Variants in IKBKE observed in about 807,000 individuals in gnomAD.
IKBKE encodes inhibitor of nuclear factor kappa-B kinase subunit epsilon.
IKBKE carries 45 observed loss-of-function variants against 92.1 expected under a neutral mutation model. The ratio of observed to expected loss-of-function variants is 0.49; its 90% CI spans 0.38 to 0.63. The LOEUF is 0.63. Ranked by LOEUF, IKBKE falls within the 20% of genes least tolerant of loss-of-function variation. The pLI is 0.00. For missense variants in IKBKE, 700 were observed against 932.8 expected (o/e 0.75, Z 3.25); for synonymous variants, 374 against 380.3 (o/e 0.98, Z 0.19).
At chr1:206,480,716 GCTCCCCCAAAACCCAGTCC>G (rs1553386876) in intron 13 of IKBKE, among the ~76,000 whole-genome samples, 183 bp downstream of exon 13, 1 of 152,062 alleles carries the variant, frequency 6.6e-6, no homozygotes, top group Non-Finnish European at 1.5e-5. Flanking sequence ...AACTGCAATG[GCTCCCCCAAAACCCAGTCC>G]CTCACCTGCA....
In IKBKE at chr1:206,478,885, C is replaced by G; in HGVS notation, c.993-58C>G. ...TAGCTGGGGCTTAGGTCACCCTAGC[C>G]CCCTGCCTTGCCTACTGACACCCCC... On this transcript the variant is annotated intron_variant, in intron 9 of 21. Coordinates refer to ENST00000581977, the MANE Select transcript of IKBKE (RefSeq NM_014002.4). This position sits in a 1 kb window ranked among gnomAD's most constrained non-coding sequence, Gnocchi z 4.8. 1 of 1,334,476 alleles carries G rather than the reference C, an allele frequency of 7.5e-7. No individual in the cohort carries two copies. Among genetic ancestry groups the G allele is most frequent in the Middle Eastern group, 2.0e-4 (1 of 4,954 alleles). 82.7% of individuals were successfully genotyped at this position (1,334,476 alleles called of 1,614,324 possible). A position where few individuals can be genotyped will look rare whatever the true frequency, so the allele number is the denominator to read the frequency against.
rs41296032 is a variant in IKBKE, at chr1:206,476,588, T to A, written c.541-90T>A. ...AAGAAGGATTTGAACAGTTCTGTTT[T>A]CACCTGCAGGCGGTGAAAGGGGGTC... On this transcript the variant is annotated intron_variant, in intron 6 of 21. Transcript: ENST00000581977. This position sits in a 1 kb window ranked among gnomAD's most constrained non-coding sequence, Gnocchi z 5.1. 12 of 1,478,144 alleles carry A rather than the reference T, an allele frequency of 8.1e-6. No individual in the cohort carries two copies. The highest frequency in any genetic ancestry group is 1.8e-4 in the Middle Eastern group (1 of 5,562). The allele number at this position is 1,478,144 out of a possible 1,614,324, so 91.6% of individuals were successfully genotyped here. A position where few individuals can be genotyped will look rare whatever the true frequency, so the allele number is the denominator to read the frequency against.
intron 13 of IKBKE, among the ~76,000 whole-genome samples, chr1:206,483,407 C>T (rs1665499880): frequency 6.6e-6 from 1 of 152,222 alleles, no homozygotes; most frequent in Non-Finnish European, 1.5e-5. Context: ...CATTTGTGCA[C>T]TCAGTAACGC....
chr1:206,476,956 C>A lies in IKBKE; in HGVS notation c.701+118C>A. ...ACTCCATGGCCCTCCTCTGGTCCACCCCCCAACCCAGGCTCTTTGTAGATC... is the reference window on the plus strand; with the variant it reads ...ACTCCATGGCCCTCCTCTGGTCCACACCCCAACCCAGGCTCTTTGTAGATC... On this transcript the variant is annotated intron_variant, in intron 7 of 21. Coordinates refer to ENST00000581977, the MANE Select transcript of IKBKE (RefSeq NM_014002.4). This position sits in a 1 kb window ranked among gnomAD's most constrained non-coding sequence, Gnocchi z 5.1. 2 of 1,084,298 alleles carry A rather than the reference C, an allele frequency of 1.8e-6. No homozygotes were observed. Among genetic ancestry groups the A allele is most frequent in the Non-Finnish European group, 1.3e-6 (1 of 750,696 alleles). 67.2% of individuals were successfully genotyped at this position (1,084,298 alleles called of 1,614,324 possible).
chr1:206,484,912 C>A, intron 13 of IKBKE, 85 bp from the exon 14 acceptor site: 2 of 1,082,966 alleles, frequency 1.8e-6, no homozygotes, highest in South Asian at 1.3e-5. Flanking sequence ...ATGCTATGCC[C>A]AGCATGTGCC....
Position 206,476,350 on chromosome 1 carries a change from T to C in IKBKE, c.528T>C (p.Thr176=), listed in dbSNP as rs1371876455. The change falls in exon 6 of 22, where the codon ACT becomes ACC. Residue 176 remains threonine (T), a synonymous_variant. Coordinates refer to ENST00000581977, the MANE Select transcript of IKBKE (RefSeq NM_014002.4). The surrounding 1 kb of genome is among the most constrained non-coding windows in gnomAD (Gnocchi z 5.1). ...DDEKFVSVYG[T]EEYLHPDMYE... ...AGAAGTTCGTCTCGGTCTATGGGAC[T>C]GAGGAGTACCTGGTGGGTGAGCTGC... 1 of 1,610,238 alleles carries C rather than the reference T, an allele frequency of 6.2e-7. No homozygotes were observed. Among genetic ancestry groups the C allele is most frequent in the Non-Finnish European group, 8.5e-7 (1 of 1,177,258 alleles).
At position 206,487,828 on chromosome 1, in the gene IKBKE, A is replaced by G. The variant is rs1553389169; in HGVS notation, c.1617-86A>G. ...ACTGTGGCTGTGAGGCTCCTCCCCTATTCCACTGCCACCCTTCCCCTCCCT... is the reference window on the plus strand; with the variant it reads ...ACTGTGGCTGTGAGGCTCCTCCCCTGTTCCACTGCCACCCTTCCCCTCCCT... On this transcript the variant is annotated intron_variant, in intron 15 of 21. Transcript: ENST00000581977. The surrounding 1 kb of genome is among the most constrained non-coding windows in gnomAD (Gnocchi z 5.3). 9.4e-7 allele frequency: 1 copy of G among 1,069,074 alleles called. No homozygotes were observed. Among genetic ancestry groups the G allele is most frequent in the African/African-American group, 1.6e-5 (1 of 64,256 alleles). The allele number at this position is 1,069,074 out of a possible 1,614,324, so 66.2% of individuals were successfully genotyped here.
In IKBKE at chr1:206,480,065, C is replaced by A. The variant is rs782574270; in HGVS notation, c.1292C>A (p.Ala431Asp). 1 of 1,602,450 alleles carries A rather than the reference C, an allele frequency of 6.2e-7. No individual in the cohort carries two copies. Among genetic ancestry groups the A allele is most frequent in the South Asian group, 1.1e-5 (1 of 89,706 alleles). The stretch of plus-strand genomic sequence containing the variant: ...TACCAGGCCCTGCGGCTGGCACGGG[C>A]CCTGCTGGATGGGCAGGAGCTAATG... ...AGYQALRLAR[A>D]LLDGQELMFR... Residue 431 changes from alanine (A) to aspartate (D), a missense_variant, in exon 12 of 22, where the codon GCC becomes GAC. Ala to Asp is a moderately radical substitution (Grantham distance 126). Transcript: ENST00000581977.
Position 206,480,239 on chromosome 1 carries a change from A to AGGGGGTGGGCAGGAGAG in IKBKE, c.1340+129_1340+145dup, listed in dbSNP as rs1478201579. On this transcript the variant is annotated intron_variant, in intron 12 of 21. Transcript: ENST00000581977. ...GCAGGAAGTGGAGGTGAGCAGGAGG[A>AGGGGGTGGGCAGGAGAG]GGGGGTGGGCAGGAGAGGGAGGTGG... The AGGGGGTGGGCAGGAGAG allele has an allele frequency of 6.0e-5, 14 of 234,360 alleles. No individual in the cohort carries two copies. The East Asian group carries it at 6.6e-4, about 11-fold the overall frequency. The allele number at this position is 234,360 out of a possible 1,614,324, so 14.5% of individuals were successfully genotyped here.
chr1:206,479,301 A>C (rs1375012564), intron 10 of IKBKE, among the ~76,000 whole-genome samples, 168 bp downstream of exon 10: 1 of 152,212 alleles, frequency 6.6e-6, no homozygotes, highest in African/African-American at 2.4e-5. Context: ...CTGAGATGCC[A>C]CATGACGTGG....
chr1:206,476,239 G>A lies in IKBKE; in HGVS notation c.417G>A (p.Gly139=), dbSNP rs782787756. ...NGIVHRDIKP[G]NIMRLVGEEG... ...TTGTGCATCGCGACATCAAGCCGGGGAACATCATGCGCCTCGTAGGGGAGG... is the reference window on the plus strand; with the variant it reads ...TTGTGCATCGCGACATCAAGCCGGGAAACATCATGCGCCTCGTAGGGGAGG... The change falls in exon 6 of 22, where the codon GGG becomes GGA. Residue 139 remains glycine (G), a synonymous_variant. Transcript: ENST00000581977. This position sits in a 1 kb window ranked among gnomAD's most constrained non-coding sequence, Gnocchi z 5.1. The A allele has an allele frequency of 3.1e-6, 5 of 1,614,036 alleles. No homozygotes were observed. The African/African-American group carries it at 4.0e-5, about 13-fold the overall frequency.
In IKBKE at chr1:206,488,410, A is replaced by AG. The variant is rs41299245; in HGVS notation, c.1693+427dup. Among the ~76,000 whole-genome samples the AG allele has an allele frequency of 4.3e-3, 656 of 152,206 alleles. 5 individuals carry two copies. Among genetic ancestry groups the AG allele is most frequent in the African/African-American group, 0.015 (621 of 41,522 alleles). On this transcript the variant is annotated intron_variant, in intron 16 of 21. Transcript: ENST00000581977. ...CTGAGACAGTCAGGTTTTCCAGAAA[A>AG]GGGGGGGTCAGGAGAAGTCCCATTT...
rs533767160 is a variant in IKBKE, at chr1:206,473,145, C to T, written c.-32-51C>T. The T allele has an allele frequency of 6.9e-5, 78 of 1,122,396 alleles. No homozygotes were observed. In the African/African-American group the frequency reaches 8.9e-4, roughly 13 times the overall value. 69.5% of individuals were successfully genotyped at this position (1,122,396 alleles called of 1,614,324 possible). A position where few individuals can be genotyped will look rare whatever the true frequency, so the allele number is the denominator to read the frequency against. On this transcript the variant is annotated intron_variant, in intron 2 of 21. Coordinates refer to ENST00000581977, the MANE Select transcript of IKBKE (RefSeq NM_014002.4). ...AGTTACAGGTCAGGCCACCAGCGGCCACCCTGTGCCAGGAATGGAATCCTG... is the reference window on the plus strand; with the variant it reads ...AGTTACAGGTCAGGCCACCAGCGGCTACCCTGTGCCAGGAATGGAATCCTG...
At position 206,485,374 on chromosome 1, in the gene IKBKE, C is replaced by G; in HGVS notation, c.1616+68C>G. On this transcript the variant is annotated intron_variant, in intron 15 of 21. Coordinates refer to ENST00000581977, the MANE Select transcript of IKBKE (RefSeq NM_014002.4). The surrounding 1 kb of genome is among the most constrained non-coding windows in gnomAD (Gnocchi z 5.0). ...TGGGCAGCTCCAAAGGTCCAGTAAC[C>G]TTTAGCCTTTTAGACGTCAGCTTGC... The G allele has an allele frequency of 2.1e-6, 2 of 938,328 alleles. No individual in the cohort carries two copies. Among genetic ancestry groups the G allele is most frequent in the South Asian group, 2.7e-5 (2 of 74,440 alleles). 58.1% of individuals were successfully genotyped at this position (938,328 alleles called of 1,614,324 possible).
chr1:206,496,346 G>A lies in IKBKE; in HGVS notation c.*201G>A. On this transcript the variant is annotated 3_prime_UTR_variant, in exon 22 of 22. Transcript: ENST00000581977. ...CAGCACAGCTGAGACTGGGCACCAG[G>A]CCACCTCTGTTGGGACCCACAGGAA... is the stretch of plus-strand genomic sequence containing the variant. 3.4e-6 allele frequency: 2 copies of A among 583,480 alleles called. No individual in the cohort carries two copies. The highest frequency in any genetic ancestry group is 2.9e-5 in the East Asian group (1 of 34,636). The allele number at this position is 583,480 out of a possible 1,614,324, so 36.1% of individuals were successfully genotyped here. A position where few individuals can be genotyped will look rare whatever the true frequency, so the allele number is the denominator to read the frequency against.
At chr1:206,492,925 C>A in intron 18 of IKBKE, 98 bp from the exon 19 acceptor site, 1 of 1,040,870 alleles carries the variant, frequency 9.6e-7, no homozygotes, top group Non-Finnish European at 1.5e-6. Flanking sequence ...TACCCGGGAC[C>A]CACCTGTGTC....
In IKBKE at chr1:206,491,716, A is replaced by G; in HGVS notation, c.1802A>G (p.Gln601Arg). The G allele has an allele frequency of 6.2e-7, 1 of 1,613,422 alleles. No homozygotes were observed. The highest frequency in any genetic ancestry group is 8.5e-7 in the Non-Finnish European group (1 of 1,179,580). ...CAGGAGGAGTGCGTGCAGAAGTATC[A>G]AGCGTCCTTAGTCACACACGGCAAG... ...VFQEECVQKY[Q>R]ASLVTHGKRM... The change falls in exon 18 of 22, where the codon CAA becomes CGA. Residue 601 changes from glutamine to arginine, a missense_variant. Physicochemically the swap from Gln to Arg is conservative, Grantham distance 43 (BLOSUM62 1). Transcript: ENST00000581977.
Position 206,478,262 on chromosome 1 carries a change from C to A in IKBKE, c.915C>A (p.Ile305=), listed in dbSNP as rs782556012. The change falls in exon 9 of 22, where the codon ATC becomes ATA. Residue 305 remains isoleucine, a synonymous_variant. Coordinates refer to ENST00000581977, the MANE Select transcript of IKBKE (RefSeq NM_014002.4). This position sits in a 1 kb window ranked among gnomAD's most constrained non-coding sequence, Gnocchi z 4.8. ...AGTTCTTTGCGGAGACCAGTGACATCCTGCAGCGAGTTGTCGTCCATGTCT... is the reference window on the plus strand; with the variant it reads ...AGTTCTTTGCGGAGACCAGTGACATACTGCAGCGAGTTGTCGTCCATGTCT... ...FDQFFAETSD[I]LQRVVVHVFS... The A allele has an allele frequency of 8.4e-5, 135 of 1,614,062 alleles. No homozygotes were observed. Among genetic ancestry groups the A allele is most frequent in the Non-Finnish European group, 1.1e-4 (134 of 1,180,038 alleles).
chr1:206,478,382 C>G lies in IKBKE; in HGVS notation c.992+43C>G. ...AGGGAAGCGGTGAGAACCTTCTCTACCCAAGCAGCAGTGCATGTCCAAAGC... is the reference window on the plus strand; with the variant it reads ...AGGGAAGCGGTGAGAACCTTCTCTAGCCAAGCAGCAGTGCATGTCCAAAGC... On this transcript the variant is annotated intron_variant, in intron 9 of 21. Coordinates refer to ENST00000581977, the MANE Select transcript of IKBKE (RefSeq NM_014002.4). This position sits in a 1 kb window ranked among gnomAD's most constrained non-coding sequence, Gnocchi z 4.8. 1 of 1,586,614 alleles carries G rather than the reference C, an allele frequency of 6.3e-7. No individual in the cohort carries two copies.
Sources: gnomAD v4.1 joint callset for allele counts (sites outside exome capture counted in the v4.1 genomes callset) on GRCh38, gnomAD v4.1.1 for gene constraint, Gnocchi (gnomAD v3.1) non-coding constraint, MANE v1.5 for transcripts, NCBI Gene and HGNC (gene_info 2026-07-23, HGNC 2026-07-21) for gene names.